The following PTGER3 variants were observed in gnomAD, a reference collection of about 807,000 sequenced individuals.
PTGER3 encodes the protein prostaglandin E2 receptor EP3 subtype.
Under a neutral mutation model 34.7 loss-of-function variants are expected in PTGER3, and 22 were observed. That is an observed-to-expected ratio of 0.63 (90% CI 0.45 to 0.91). The LOEUF is 0.91. PTGER3 is among the 40% of genes least tolerant of loss of function. The pLI is 0.00. For missense variants in PTGER3, 468 were observed against 519.4 expected (o/e 0.90, Z 0.96); for synonymous variants, 241 against 230.1 (o/e 1.05, Z -0.43).
intron 4 of PTGER3, among the ~76,000 whole-genome samples, chr1:70,931,656 G>T (rs1557664648): frequency 6.6e-6 from 1 of 152,186 alleles, no homozygotes; most frequent in African/African-American, 2.4e-5. Context: ...GAAACCATGG[G>T]CCAAGCTGTA....
chr1:70,921,904 T>G (rs1854147), intron 4 of PTGER3, among the ~76,000 whole-genome samples: 98,730 of 152,036 alleles, frequency 0.65, 32,223 homozygotes, highest in East Asian at 0.78. Flanking sequence ...AAAAATAAGT[T>G]CTAAATCAAA....
chr1:70,928,332 G>A (rs1355731113), intron 4 of PTGER3, among the ~76,000 whole-genome samples: 4 of 151,300 alleles, frequency 2.6e-5, no homozygotes, highest in African/African-American at 9.7e-5. Context: ...AAGTGGGTTA[G>A]GGGGAAGAAA....
chr1:70,974,074 A>G (rs1381712724), intron 3 of PTGER3, among the ~76,000 whole-genome samples: 1 of 152,200 alleles, frequency 6.6e-6, no homozygotes, highest in Non-Finnish European at 1.5e-5. Context: ...ATCAGTCACA[A>G]GATCAGACTC....
chr1:71,001,631 C>T (rs2100814976), intron 2 of PTGER3, among the ~76,000 whole-genome samples: 1 of 152,314 alleles, frequency 6.6e-6, no homozygotes, highest in African/African-American at 2.4e-5. Context: ...GTTTAGCTGA[C>T]AAGACCACCT....
intron 4 of PTGER3, chr1:70,947,308 G>T (rs965695726): frequency 6.6e-6 from 1 of 151,986 alleles, no homozygotes; most frequent in South Asian, 2.1e-4. Context: ...CATGGGGGCC[G>T]GTCTTTCCCA....
At chr1:70,923,643 A>G (rs1215063137) in intron 4 of PTGER3, among the ~76,000 whole-genome samples, 2 of 152,168 alleles carry the variant, frequency 1.3e-5, no homozygotes, top group Non-Finnish European at 2.9e-5. Context: ...AATCTTTTAA[A>G]TTTTTCTTAA....
chr1:70,920,108 T>A (rs1647384924), intron 4 of PTGER3, among the ~76,000 whole-genome samples: 1 of 152,176 alleles, frequency 6.6e-6, no homozygotes, highest in African/African-American at 2.4e-5. Flanking sequence ...GTTGTCTCAA[T>A]TTGTCTGATA....
intron 2 of PTGER3, among the ~76,000 whole-genome samples, chr1:70,982,233 A>G (rs1357564886): frequency 6.6e-6 from 1 of 152,184 alleles, no homozygotes; most frequent in Non-Finnish European, 1.5e-5. Flanking sequence ...TCTACCAGGT[A>G]TATTTTACAA....
At chr1:70,967,463 C>G (rs1557695217), downstream of PTGER3, among the ~76,000 whole-genome samples, 1 of 151,620 alleles carries the variant, frequency 6.6e-6, no homozygotes. Context: ...TACAAATTAC[C>G]TTAAAGTAAA....
intron 4 of PTGER3, among the ~76,000 whole-genome samples, chr1:70,906,552 C>G (rs967791041): frequency 6.6e-6 from 1 of 152,098 alleles, no homozygotes; most frequent in African/African-American, 2.4e-5. Flanking sequence ...ATCAATTGAT[C>G]TAGGCATAAA....
At chr1:70,923,850 A>G (rs1038665402) in intron 4 of PTGER3, among the ~76,000 whole-genome samples, 13 of 152,220 alleles carry the variant, frequency 8.5e-5, no homozygotes, top group Non-Finnish European at 1.5e-4. Context: ...AGTTATTTGC[A>G]TGACTGCAAT....
chr1:70,974,286 C>A lies in PTGER3; in HGVS notation c.1169+11G>T. ...GCTATGCTATAAATCCCGGCAGTTTCTAAATCTCACCTTTCCAAATGGTCG... is the reference window on the plus strand; with the variant it reads ...GCTATGCTATAAATCCCGGCAGTTTATAAATCTCACCTTTCCAAATGGTCG... On this transcript the variant is annotated intron_variant, in intron 3 of 3. Coordinates refer to ENST00000306666, the MANE Select transcript of PTGER3 (RefSeq NM_198719.2). 1 of 1,612,412 alleles carries A rather than the reference C, an allele frequency of 6.2e-7. No individual in the cohort carries two copies. Among genetic ancestry groups the A allele is most frequent in the Admixed American group, 1.7e-5 (1 of 59,898 alleles).
At chr1:71,016,582 C>T (rs1436518458) in intron 1 of PTGER3, among the ~76,000 whole-genome samples, 1 of 151,944 alleles carries the variant, frequency 6.6e-6, no homozygotes, top group Non-Finnish European at 1.5e-5. Flanking sequence ...GCAGATGGAT[C>T]CCCTGAACCC....
At chr1:70,853,112 G>C (rs1484571656) in intron 4 of PTGER3, among the ~76,000 whole-genome samples, 2 of 152,102 alleles carry the variant, frequency 1.3e-5, no homozygotes, top group African/African-American at 4.8e-5. Context: ...TCTACTAAAA[G>C]AAGAAGATCC....
At chr1:71,028,487 A>T (rs1261449029) in intron 1 of PTGER3, among the ~76,000 whole-genome samples, 1 of 152,186 alleles carries the variant, frequency 6.6e-6, no homozygotes, top group Non-Finnish European at 1.5e-5. Flanking sequence ...ACATTACATC[A>T]TCTCTAATAA....
At chr1:71,041,304 G>C (rs1463059358) in intron 1 of PTGER3, among the ~76,000 whole-genome samples, 1 of 152,182 alleles carries the variant, frequency 6.6e-6, no homozygotes, top group Non-Finnish European at 1.5e-5. Context: ...GTCCACTGTG[G>C]AGTATTGGTT....
intron 4 of PTGER3, among the ~76,000 whole-genome samples, chr1:70,882,177 G>T (rs567256388): frequency 6.6e-6 from 1 of 152,318 alleles, no homozygotes; most frequent in African/African-American, 2.4e-5. Context: ...GGTTTTCTGG[G>T]CTTGAAGATC....
At chr1:70,929,720 T>C (rs1648511210) in intron 4 of PTGER3, among the ~76,000 whole-genome samples, 1 of 152,216 alleles carries the variant, frequency 6.6e-6, no homozygotes, top group Non-Finnish European at 1.5e-5. Flanking sequence ...ACAATAGTTT[T>C]AACTTGCAAA....
intron 4 of PTGER3, among the ~76,000 whole-genome samples, chr1:70,865,335 G>C (rs1646017383): frequency 6.6e-6 from 1 of 152,146 alleles, no homozygotes; most frequent in Non-Finnish European, 1.5e-5. Flanking sequence ...CACCCCAGCA[G>C]TAGTGAGGAA....
Sources: allele counts gnomAD v4.1 joint callset (sites outside exome capture counted in the v4.1 genomes callset), GRCh38; gene constraint gnomAD v4.1.1; transcripts MANE v1.5; gene names NCBI Gene and HGNC (gene_info 2026-07-23, HGNC 2026-07-21).